ALDH1A2: variants seen among roughly 807,000 people sequenced by gnomAD.
ALDH1A2 encodes the protein aldehyde dehydrogenase 1 family member A2.
ALDH1A2 carries 27 observed loss-of-function variants against 60.3 expected under a neutral mutation model. That is an observed-to-expected ratio of 0.45 (90% CI 0.33 to 0.62). The LOEUF is 0.62. ALDH1A2 is among the 20% of genes least tolerant of loss of function. ALDH1A2 has a pLI of 0.02. For synonymous variants in ALDH1A2, 289 were observed against 232.4 expected (o/e 1.24, Z -2.21); for missense variants, 581 against 643.8 (o/e 0.90, Z 1.06).
intron 7 of ALDH1A2, 102 bp from the exon 8 acceptor site, chr15:57,965,929 C>T (rs1375600444): frequency 2.3e-6 from 2 of 883,022 alleles, no homozygotes; most frequent in African/African-American, 1.6e-5. Flanking sequence ...CAGTAACAAA[C>T]CCTAAAAGGC....
intron 4 of ALDH1A2, among the ~76,000 whole-genome samples, chr15:58,010,000 G>C (rs1895578335): frequency 6.6e-6 from 1 of 152,058 alleles, no homozygotes. Context: ...GACAGGTAAA[G>C]TACACAACTT....
chr15:57,993,386 C>G (rs1286272128), intron 5 of ALDH1A2, among the ~76,000 whole-genome samples: 1 of 152,032 alleles, frequency 6.6e-6, no homozygotes, highest in East Asian at 1.9e-4. Flanking sequence ...TTTAATTAGG[C>G]TTTGGTTCCA....
chr15:58,040,623 T>C (rs1216166442), intron 1 of ALDH1A2, among the ~76,000 whole-genome samples: 1 of 151,938 alleles, frequency 6.6e-6, no homozygotes, highest in African/African-American at 2.4e-5. Flanking sequence ...ACCTTTCCTC[T>C]CAACATCTAT....
chr15:58,055,695 A>G (rs1313093674), intron 1 of ALDH1A2, among the ~76,000 whole-genome samples: 1 of 152,106 alleles, frequency 6.6e-6, no homozygotes, highest in African/African-American at 2.4e-5. Context: ...AATTAGAGAT[A>G]CACATGTATG....
At chr15:57,981,396 C>T (rs1193535823) in intron 7 of ALDH1A2, among the ~76,000 whole-genome samples, 6 of 150,370 alleles carry the variant, frequency 4.0e-5, no homozygotes, top group Middle Eastern at 3.4e-3. Flanking sequence ...ACAAAATAAA[C>T]GAAAGGAGAG....
chr15:58,008,772 C>T (rs778831152), intron 4 of ALDH1A2, among the ~76,000 whole-genome samples: 2 of 152,084 alleles, frequency 1.3e-5, no homozygotes, highest in Non-Finnish European at 2.9e-5. Flanking sequence ...TGTACTGATA[C>T]AGGACAGGCC....
intron 7 of ALDH1A2, chr15:57,980,092 G>A (rs1197095276): frequency 1.7e-5 from 5 of 301,208 alleles, no homozygotes; most frequent in African/African-American, 4.4e-5. Flanking sequence ...GCCTCTTCAC[G>A]CCATACACGG....
chr15:57,961,410 G>A, intron 10 of ALDH1A2, 116 bp from the exon 11 acceptor site: 4 of 1,259,028 alleles, frequency 3.2e-6, no homozygotes, highest in Non-Finnish European at 4.5e-6. Flanking sequence ...AAGTTTAGCA[G>A]TACAAAACTG....
chr15:58,010,852 A>G, intron 3 of ALDH1A2, 74 bp from the exon 4 acceptor site: 1 of 1,572,288 alleles, frequency 6.4e-7, no homozygotes, highest in East Asian at 2.3e-5. Flanking sequence ...AGAGCAGAAG[A>G]AAAAAGGAAG....
chr15:58,048,884 A>T (rs1896702592), intron 1 of ALDH1A2, among the ~76,000 whole-genome samples: 1 of 151,952 alleles, frequency 6.6e-6, no homozygotes, highest in Non-Finnish European at 1.5e-5. Flanking sequence ...TAGCATATGT[A>T]CACCCATCCC....
intron 4 of ALDH1A2, among the ~76,000 whole-genome samples, chr15:57,996,268 AT>A (rs1595652341): frequency 6.6e-6 from 1 of 151,766 alleles, no homozygotes; most frequent in Non-Finnish European, 1.5e-5. Flanking sequence ...AAAATTATTT[AT>A]TTTTTAAATA....
At chr15:57,973,937 A>G (rs901861510) in intron 7 of ALDH1A2, among the ~76,000 whole-genome samples, 9 of 152,136 alleles carry the variant, frequency 5.9e-5, no homozygotes, top group African/African-American at 2.2e-4. Context: ...CTTCCACCCT[A>G]TTCTCTTTCC....
At chr15:58,024,241 G>A (rs1411066177) in intron 1 of ALDH1A2, among the ~76,000 whole-genome samples, 3 of 151,872 alleles carry the variant, frequency 2.0e-5, no homozygotes, top group Non-Finnish European at 4.4e-5. Context: ...AAAAAAAGAG[G>A]CAAAGAATAT....
chr15:58,049,247 CCTCTATT>C (rs1477647614), intron 1 of ALDH1A2, among the ~76,000 whole-genome samples: 1 of 151,980 alleles, frequency 6.6e-6, no homozygotes, highest in East Asian at 1.9e-4. Flanking sequence ...TCCAGTTGTG[CCTCTATT>C]CCTCTCGCAT....
chr15:58,065,472 G>T (rs1235201226), intron 1 of ALDH1A2, 62 bp downstream of exon 1: 1 of 1,395,946 alleles, frequency 7.2e-7, no homozygotes, highest in Non-Finnish European at 1.0e-6. Context: ...TGAAGAGATC[G>T]GGGAAACCGA....
Position 58,013,919 on chromosome 15 carries a change from T to C in ALDH1A2, c.302A>G (p.Glu101Gly), listed in dbSNP as rs1336810140. 1 of 1,613,994 alleles carries C rather than the reference T, an allele frequency of 6.2e-7. No individual in the cohort carries two copies. Among genetic ancestry groups the C allele is most frequent in the Non-Finnish European group, 8.5e-7 (1 of 1,180,010 alleles). ...GSVWRRMDAS[E>G]RGRLLDKLAD... Reference sequence around the variant, plus strand: ...AAGCTTATCCAACAGACGTCCCCTTTCTGAAGCATCCATCCTTCTCCACAC... The same window carrying C: ...AAGCTTATCCAACAGACGTCCCCTTCCTGAAGCATCCATCCTTCTCCACAC... The change falls in exon 3 of 13, where the codon GAA becomes GGA. Residue 101 changes from glutamate (E) to glycine (G), a missense_variant. Physicochemically the swap from Glu to Gly is moderately conservative, Grantham distance 98. Transcript: ENST00000249750.
At chr15:57,980,097 A>C in intron 7 of ALDH1A2, 1 of 305,328 alleles carries the variant, frequency 3.3e-6, no homozygotes. Flanking sequence ...TTCACGCCAT[A>C]CACGGTCATG....
At position 57,992,757 on chromosome 15, in the gene ALDH1A2, G is replaced by C. The variant is rs751715832; in HGVS notation, c.746C>G (p.Ala249Gly). 6.2e-7 allele frequency: 1 copy of C among 1,614,128 alleles called. No individual in the cohort carries two copies. The highest frequency in any genetic ancestry group is 8.5e-7 in the Non-Finnish European group (1 of 1,180,006). Residue 249 changes from alanine to glycine, a missense_variant, in exon 7 of 13, where the codon GCA (alanine) becomes GGA (glycine). This residue lies in a region of ALDH1A2 where 375 missense variants were observed against 469.7 expected (regional missense o/e 0.80). Transcript: ENST00000249750. ...LPGYGPTAGA[A>G]IASHIGIDKI... is the part of the protein sequence containing the mutation. The stretch of plus-strand genomic sequence containing the variant: ...GTCTATGCCAATGTGAGAAGCTATT[G>C]CTGCCCCAGCCGTTGGCCCATATCC...
At chr15:58,047,632 A>G (rs1331202882) in intron 1 of ALDH1A2, among the ~76,000 whole-genome samples, 1 of 151,998 alleles carries the variant, frequency 6.6e-6, no homozygotes, top group East Asian at 1.9e-4. Flanking sequence ...CTTTGAAAAA[A>G]ATTAGCCCCA....
Sources: allele counts gnomAD v4.1 joint callset (sites outside exome capture counted in the v4.1 genomes callset), GRCh38; gene constraint gnomAD v4.1.1; regional missense constraint gnomAD v4.1.1; transcripts MANE v1.5; gene names NCBI Gene and HGNC (gene_info 2026-07-23, HGNC 2026-07-21).